Variants in ITPR1 observed in about 807,000 individuals in gnomAD.
The protein encoded by ITPR1 is inositol 1,4,5-trisphosphate receptor type 1, also known as inositol 1,4,5-trisphosphate-gated calcium channel ITPR1.
A neutral mutation model predicts 318.4 loss-of-function variants in ITPR1; 96 were observed. The observed-to-expected ratio is 0.30, with a 90% CI of 0.26 to 0.36. The LOEUF is 0.36. Ranked by LOEUF, ITPR1 falls within the 10% of genes least tolerant of loss-of-function variation. The probability of loss-of-function intolerance (pLI) is 1.00; values close to 1 mark genes in which losing one functional copy is unlikely to be tolerated. For missense variants in ITPR1, 2,440 were observed against 3,460.2 expected, an observed-to-expected ratio of 0.71 and a Z score of 7.40; for synonymous variants, 1,312 against 1,289.9, an observed-to-expected ratio of 1.02 and a Z score of -0.37.
At chr3:4,834,068 T>G (rs1010519678) in intron 60 of ITPR1, among the ~76,000 whole-genome samples, 12 of 152,142 alleles carry the variant, frequency 7.9e-5, no homozygotes, top group African/African-American at 2.4e-4. Context: ...ATTATTTTTA[T>G]TTTTTATAGA....
intron 30 of ITPR1, 121 bp downstream of exon 30, chr3:4,685,327 T>G: frequency 1.0e-6 from 1 of 997,420 alleles, no homozygotes; most frequent in Non-Finnish European, 1.4e-6. Context: ...CTATTGTGAC[T>G]ACAAAGCAAT....
chr3:4,688,446 G>A, intron 30 of ITPR1, 49 bp from the exon 31 acceptor site: 1 of 1,607,366 alleles, frequency 6.2e-7, no homozygotes, highest in South Asian at 1.1e-5. Flanking sequence ...AGGAGAAGCT[G>A]GTCTCCTGGC....
chr3:4,610,916 C>T (rs2092041590), intron 4 of ITPR1, among the ~76,000 whole-genome samples: 1 of 101,180 alleles, frequency 9.9e-6, no homozygotes, highest in African/African-American at 4.0e-5. Context: ...TCTCCTTCTC[C>T]TTCCCTTCCC....
intron 4 of ITPR1, among the ~76,000 whole-genome samples, chr3:4,608,673 C>T (rs973538414): frequency 1.3e-5 from 2 of 151,992 alleles, no homozygotes; most frequent in Non-Finnish European, 2.9e-5. Flanking sequence ...AGATACAGGA[C>T]ACCCCCACAA....
rs117957468 is a variant in ITPR1 at position 4,575,934 on chromosome 3, C to T, written c.164-51829C>T. ...ACTTGGGTAGTTGAGACAGGAGGAT[C>T]GCTTGGGCCCGGGAGGTCGAGGCTG... On this transcript the variant is annotated intron_variant, in intron 4 of 61. Coordinates refer to ENST00000649015, the MANE Select transcript of ITPR1 (RefSeq NM_001378452.1). Among the ~76,000 whole-genome samples, 135 of 151,372 alleles carry T rather than the reference C, an allele frequency of 8.9e-4. 2 individuals are homozygous for T. The East Asian group carries it at 0.021, about 24-fold the overall frequency.
intron 52 of ITPR1, among the ~76,000 whole-genome samples, chr3:4,788,542 T>A (rs1006298087): frequency 6.6e-6 from 1 of 152,210 alleles, no homozygotes; most frequent in African/African-American, 2.4e-5. Context: ...CTCCAGAGAC[T>A]CTGGTATTTT....
chr3:4,568,042 A>C (rs1343789101), intron 4 of ITPR1, among the ~76,000 whole-genome samples: 2 of 152,204 alleles, frequency 1.3e-5, no homozygotes, highest in Admixed American at 1.3e-4. Flanking sequence ...ATCTATGCCA[A>C]AGTCGGTGCA....
chr3:4,708,256 T>G (rs2094799932), intron 37 of ITPR1, among the ~76,000 whole-genome samples: 1 of 152,172 alleles, frequency 6.6e-6, no homozygotes, highest in Non-Finnish European at 1.5e-5. Flanking sequence ...CTTTTTTTTC[T>G]TAGCGTCTAC....
intron 4 of ITPR1, among the ~76,000 whole-genome samples, chr3:4,590,554 A>G (rs2090316205): frequency 6.7e-6 from 1 of 149,460 alleles, no homozygotes. Context: ...AATTATAATT[A>G]CTATTTTATT....
chr3:4,751,520 T>G (rs190280996), intron 44 of ITPR1: 1 of 152,318 alleles, frequency 6.6e-6, no homozygotes, highest in East Asian at 1.9e-4. Flanking sequence ...GAAAAGAATA[T>G]GTAGTTCCAT....
At chr3:4,754,701 C>A (rs540595742) in intron 44 of ITPR1, among the ~76,000 whole-genome samples, 1 of 152,324 alleles carries the variant, frequency 6.6e-6, no homozygotes, top group South Asian at 2.1e-4. Context: ...TTTAGAGTAC[C>A]TTTTTAATAA....
chr3:4,554,112 T>C (rs1039747235), intron 4 of ITPR1, among the ~76,000 whole-genome samples: 1 of 152,224 alleles, frequency 6.6e-6, no homozygotes, highest in Non-Finnish European at 1.5e-5. Context: ...TTATGTTCAT[T>C]ACTTCATTTA....
Position 4,818,194 on chromosome 3 carries a change from C to A in ITPR1, c.7980C>A (p.Asp2660Glu). Residue 2660 changes from aspartate to glutamate, a missense_variant, in exon 60 of 62, where the codon GAC becomes GAA. By Grantham distance (45) the Asp-to-Glu change is conservative (BLOSUM62 2). This residue lies in a region of ITPR1 where 72 missense variants were observed against 197.7 expected (regional missense o/e 0.36). Coordinates refer to ENST00000649015, the MANE Select transcript of ITPR1 (RefSeq NM_001378452.1). ...LCFIVLVKVK[D>E]STEYTGPESY... Reference sequence around the variant, plus strand: ...TCATCGTCCTGGTGAAAGTAAAGGACTCCACCGAATATACTGGGCCTGAGA... The same window carrying A: ...TCATCGTCCTGGTGAAAGTAAAGGAATCCACCGAATATACTGGGCCTGAGA... 1 of 1,598,994 alleles carries A rather than the reference C, an allele frequency of 6.3e-7. No homozygotes were observed. The highest frequency in any genetic ancestry group is 8.6e-7 in the Non-Finnish European group (1 of 1,168,028).
At position 4,775,395 on chromosome 3, in the gene ITPR1, C is replaced by T; in HGVS notation, c.6133C>T (p.Leu2045=). 1 of 1,613,936 alleles carries T rather than the reference C, an allele frequency of 6.2e-7. No homozygotes were observed. Among genetic ancestry groups the T allele is most frequent in the Non-Finnish European group, 8.5e-7 (1 of 1,179,812 alleles). ...EKNVALINQT[L]ESLTEYCQGP... ...GAATGTAGCGCTTATCAACCAAACC[C>T]TGGAAAGTCTGACCGAATACTGTCA... Residue 2045 remains leucine, a synonymous_variant, in exon 47 of 62, where the codon CTG becomes TTG. Coordinates refer to ENST00000649015, the MANE Select transcript of ITPR1 (RefSeq NM_001378452.1).
intron 36 of ITPR1, 95 bp from the exon 37 acceptor site, chr3:4,706,071 GA>G (rs2094750253): frequency 7.3e-7 from 1 of 1,376,728 alleles, no homozygotes; most frequent in African/African-American, 1.4e-5. Context: ...TTCTGGGTGT[GA>G]AAAACCTGCT....
chr3:4,655,360 G>T (rs545119230), intron 12 of ITPR1, among the ~76,000 whole-genome samples: 32 of 152,222 alleles, frequency 2.1e-4, no homozygotes, highest in Admixed American at 1.0e-3. Context: ...TGCTCTCCTG[G>T]CCTCCTGGTA....
At chr3:4,775,187 G>A (rs868023252) in intron 46 of ITPR1, 55 bp from the exon 47 acceptor site, 19 of 1,263,030 alleles carry the variant, frequency 1.5e-5, no homozygotes, top group Middle Eastern at 1.9e-4. Flanking sequence ...GATGAATAAC[G>A]TTTCCCTCTT....
intron 5 of ITPR1, among the ~76,000 whole-genome samples, chr3:4,637,500 A>G (rs575019151): frequency 2.0e-5 from 3 of 152,254 alleles, no homozygotes; most frequent in Admixed American, 6.5e-5. Flanking sequence ...GGCAACTTGC[A>G]TGCCAAAGAT....
At chr3:4,774,877 C>G in intron 46 of ITPR1, among the ~76,000 whole-genome samples, 1 of 152,216 alleles carries the variant, frequency 6.6e-6, no homozygotes, top group East Asian at 1.9e-4. Flanking sequence ...AACCACCGCC[C>G]TTGGAAATGT....
Sources: gnomAD v4.1 joint callset for allele counts (sites outside exome capture counted in the v4.1 genomes callset) on GRCh38, gnomAD v4.1.1 for gene constraint, gnomAD v4.1.1 regional missense constraint, MANE v1.5 for transcripts, NCBI Gene and HGNC (gene_info 2026-07-23, HGNC 2026-07-21) for gene names.